Variants in SYN3 observed in about 807,000 individuals in gnomAD.
SYN3 encodes the protein synapsin-3.
In SYN3, 35 loss-of-function variants were observed where a neutral mutation model predicts 65.8. That is an observed-to-expected ratio of 0.53 (90% confidence interval 0.41 to 0.70). The LOEUF (loss-of-function observed/expected upper bound fraction) is 0.70. Among genes scored for constraint, SYN3 ranks in the 30% least tolerant of loss-of-function variants. The pLI is 0.00. For synonymous variants in SYN3, 270 were observed against 292.9 expected (o/e 0.92, Z 0.80); for missense variants, 680 against 749.0 (o/e 0.91, Z 1.08).
At chr22:33,037,975 T>C (rs1400773586) in intron 1 of SYN3, among the ~76,000 whole-genome samples, 3 of 146,074 alleles carry the variant, frequency 2.1e-5, no homozygotes, top group Non-Finnish European at 4.5e-5. Flanking sequence ...AGTGAATGAA[T>C]AAAATAAGAA....
intron 7 of SYN3, among the ~76,000 whole-genome samples, chr22:32,576,199 C>G (rs1013122463): frequency 6.6e-6 from 1 of 152,142 alleles, no homozygotes; most frequent in Non-Finnish European, 1.5e-5. Context: ...TCTCGCAGAC[C>G]TGGCTTGAGG....
At chr22:32,612,404 G>A (rs949618281) in intron 6 of SYN3, among the ~76,000 whole-genome samples, 1 of 152,186 alleles carries the variant, frequency 6.6e-6, no homozygotes, top group Non-Finnish European at 1.5e-5. Flanking sequence ...GTTAGTGTCA[G>A]AATTGAATTC....
At chr22:32,922,748 C>T (rs2050367680) in intron 4 of SYN3, among the ~76,000 whole-genome samples, 1 of 152,120 alleles carries the variant, frequency 6.6e-6, no homozygotes, top group African/African-American at 2.4e-5. Flanking sequence ...TGGCACTGGC[C>T]TGGCTTGGGT....
At chr22:33,043,616 C>T (rs895174750) in intron 1 of SYN3, among the ~76,000 whole-genome samples, 4 of 152,090 alleles carry the variant, frequency 2.6e-5, no homozygotes, top group Admixed American at 2.6e-4. Flanking sequence ...GGTTAATATC[C>T]CAGCAATTCT....
At chr22:32,956,063 A>ATATAT in intron 3 of SYN3, among the ~76,000 whole-genome samples, 1 of 81,076 alleles carries the variant, frequency 1.2e-5, no homozygotes, top group East Asian at 2.3e-4. Flanking sequence ...TATATATATA[A>ATATAT]AATCTCCTAT....
At chr22:32,872,012 A>G (rs1041359505) in intron 4 of SYN3, among the ~76,000 whole-genome samples, 6 of 151,968 alleles carry the variant, frequency 3.9e-5, no homozygotes, top group African/African-American at 1.2e-4. Context: ...AATTCCCTAG[A>G]TGCTCTTCTC....
chr22:32,661,534 T>C (rs2060216979), intron 6 of SYN3, among the ~76,000 whole-genome samples: 1 of 152,218 alleles, frequency 6.6e-6, no homozygotes, highest in South Asian at 2.1e-4. Context: ...CTTTCTTTCT[T>C]TTTTGCCCTC....
At chr22:33,044,735 C>G (rs1298632744) in intron 1 of SYN3, among the ~76,000 whole-genome samples, 1 of 151,968 alleles carries the variant, frequency 6.6e-6, no homozygotes, top group Non-Finnish European at 1.5e-5. Context: ...GTGGTTTCAA[C>G]CAATCACCTA....
rs887842723 is a variant in SYN3 at position 32,813,571 on chromosome 22, C to T, written c.711+51344G>A. 4.0e-5 allele frequency among the ~76,000 whole-genome samples: 6 copies of T among 151,484 alleles called. 1 individual carries two copies. The highest frequency in any genetic ancestry group is 1.5e-4 in the African/African-American group (6 of 41,002). On this transcript the variant is annotated intron_variant, in intron 6 of 13. Coordinates refer to ENST00000358763, the MANE Select transcript of SYN3 (RefSeq NM_003490.4). The stretch of plus-strand genomic sequence containing the variant: ...ACAAAACATGTCCATGGGCCAGATT[C>T]AGCCTTGTGGGTCACCAGTTTTGTG...
At chr22:32,824,361 T>A (rs1317025647) in intron 6 of SYN3, among the ~76,000 whole-genome samples, 1 of 151,558 alleles carries the variant, frequency 6.6e-6, no homozygotes, top group African/African-American at 2.4e-5. Flanking sequence ...GATTACTATT[T>A]TTTTTTTGTT....
chr22:32,734,341 G>A (rs1381258156), intron 6 of SYN3, among the ~76,000 whole-genome samples: 1 of 152,188 alleles, frequency 6.6e-6, no homozygotes, highest in Non-Finnish European at 1.5e-5. Context: ...TCATCTCCAG[G>A]TGCAGGGGGG....
At chr22:32,596,826 C>T in intron 6 of SYN3, 90 bp from the exon 7 acceptor site, 2 of 1,318,108 alleles carry the variant, frequency 1.5e-6, no homozygotes, top group Non-Finnish European at 2.2e-6. Flanking sequence ...AAGATCCATT[C>T]ATTTCATATG....
chr22:32,582,881 C>T (rs1372965325), intron 7 of SYN3, among the ~76,000 whole-genome samples: 2 of 152,186 alleles, frequency 1.3e-5, no homozygotes, highest in Admixed American at 6.5e-5. Context: ...TCCTTCTCTT[C>T]AGCTGTTAGC....
chr22:32,586,073 CATGTATACAT>C (rs2059033582), intron 7 of SYN3, among the ~76,000 whole-genome samples: 1 of 145,414 alleles, frequency 6.9e-6, no homozygotes, highest in Non-Finnish European at 1.5e-5. Context: ...TATATGTATA[CATGTATACAT>C]GTATATATGT....
intron 7 of SYN3, among the ~76,000 whole-genome samples, chr22:32,551,008 T>G (rs1203028253): frequency 6.6e-6 from 1 of 152,192 alleles, no homozygotes; most frequent in Non-Finnish European, 1.5e-5. Flanking sequence ...GACAAAAAGA[T>G]CATTGGTCAT....
At chr22:32,675,000 C>G (rs1333600800) in intron 6 of SYN3, among the ~76,000 whole-genome samples, 2 of 152,202 alleles carry the variant, frequency 1.3e-5, no homozygotes, top group Non-Finnish European at 2.9e-5. Context: ...TTGTCACACA[C>G]CTCAGCTGTG....
At chr22:32,905,676 C>T (rs1018110854) in intron 4 of SYN3, among the ~76,000 whole-genome samples, 7 of 152,202 alleles carry the variant, frequency 4.6e-5, no homozygotes, top group African/African-American at 1.7e-4. Context: ...TCCCACATAG[C>T]TGATAAGTAC....
chr22:32,719,937 G>A (rs1278483246), intron 6 of SYN3, among the ~76,000 whole-genome samples: 1 of 152,212 alleles, frequency 6.6e-6, no homozygotes, highest in Non-Finnish European at 1.5e-5. Flanking sequence ...GGGGGACAAG[G>A]GGACAGCTGG....
chr22:32,559,833 A>AG lies in SYN3; in HGVS notation c.775-18121_775-18120insC, dbSNP rs1486782657. Among the ~76,000 whole-genome samples the AG allele has an allele frequency of 9.3e-5, 7 of 75,376 alleles. No homozygotes were observed. The Admixed American group carries it at 9.8e-4, about 11-fold the overall frequency. The allele number at this position is 75,376 out of a possible 152,430, so 49.4% of individuals were successfully genotyped here. ...AGACAGAGCGAGACTCCGTCTCAAC[A>AG]AAAAAAAAAAAAAAGAAAAAAAGAA... is the stretch of plus-strand genomic sequence containing the variant. On this transcript the variant is annotated intron_variant, in intron 7 of 13. Coordinates refer to ENST00000358763, the MANE Select transcript of SYN3 (RefSeq NM_003490.4).
Sources: gnomAD v4.1 joint callset for allele counts (sites outside exome capture counted in the v4.1 genomes callset) on GRCh38, gnomAD v4.1.1 for gene constraint, MANE v1.5 for transcripts, NCBI Gene and HGNC (gene_info 2026-07-23, HGNC 2026-07-21) for gene names.